Variants in NRG1 observed in about 807,000 individuals in gnomAD.
The protein encoded by NRG1 is pro-neuregulin-1, membrane-bound isoform.
NRG1 carries 18 observed loss-of-function variants against 63.8 expected under a neutral mutation model. The observed-to-expected ratio is 0.28, with a 90% CI of 0.19 to 0.42. The LOEUF is 0.42. NRG1 is among the 10% of genes least tolerant of loss of function. The pLI, the probability that NRG1 is intolerant of heterozygous loss-of-function variation, is 1.00. For missense variants in NRG1, 762 were observed against 814.7 expected (o/e 0.94, Z 0.79); for synonymous variants, 302 against 301.3 (o/e 1.00, Z -0.02).
chr8:31,959,461 C>G (rs1248891110), intron 1 of NRG1, among the ~76,000 whole-genome samples: 2 of 152,126 alleles, frequency 1.3e-5, no homozygotes, highest in Non-Finnish European at 2.9e-5. Context: ...TGTGGTTCAG[C>G]ATCACCAGGC....
chr8:32,142,096 G>A (rs141043958), intron 1 of NRG1, among the ~76,000 whole-genome samples: 256 of 152,160 alleles, frequency 1.7e-3, no homozygotes, highest in African/African-American at 5.9e-3. Flanking sequence ...ATGTAAAGAC[G>A]CTTATAGCTT....
chr8:32,650,594 A>G (rs1293673233), intron 5 of NRG1, among the ~76,000 whole-genome samples: 3 of 143,996 alleles, frequency 2.1e-5, no homozygotes, highest in Non-Finnish European at 4.5e-5. Flanking sequence ...GTTTTTAGAG[A>G]CTTGTAAGTG....
chr8:32,138,210 TG>T (rs1835795043), intron 1 of NRG1, among the ~76,000 whole-genome samples: 1 of 151,722 alleles, frequency 6.6e-6, no homozygotes, highest in Admixed American at 6.6e-5. Context: ...CAATAGTGAG[TG>T]GATTTAAACA....
chr8:32,404,527 C>T (rs891795856), intron 1 of NRG1, among the ~76,000 whole-genome samples: 2 of 151,470 alleles, frequency 1.3e-5, no homozygotes, highest in African/African-American at 2.4e-5. Context: ...CCATCAGAAC[C>T]TTTTTCATGC....
At chr8:32,323,541 A>G (rs930741358) in intron 1 of NRG1, among the ~76,000 whole-genome samples, 8 of 152,234 alleles carry the variant, frequency 5.3e-5, no homozygotes, top group African/African-American at 1.9e-4. Context: ...TTGGAACAGA[A>G]GCCAGCAATG....
At chr8:31,791,205 C>CAAAA (rs35966484) in intron 1 of NRG1, among the ~76,000 whole-genome samples, 3 of 98,704 alleles carry the variant, frequency 3.0e-5, no homozygotes, top group African/African-American at 7.4e-5. Flanking sequence ...GAAACTGTGC[C>CAAAA]AAAAAAAAAA....
intron 1 of NRG1, among the ~76,000 whole-genome samples, chr8:31,727,587 G>A (rs1460982459): frequency 4.6e-5 from 7 of 152,122 alleles, no homozygotes; most frequent in Non-Finnish European, 1.0e-4. Context: ...GGTAGATACT[G>A]ATACCCTGTC....
chr8:32,593,165 T>C (rs576665622), intron 1 of NRG1, among the ~76,000 whole-genome samples: 1 of 152,206 alleles, frequency 6.6e-6, no homozygotes, highest in East Asian at 1.9e-4. Context: ...AGAAAATTCA[T>C]GTATAAGGCA....
intron 1 of NRG1, among the ~76,000 whole-genome samples, chr8:32,092,842 A>G (rs1171484979): frequency 1.3e-5 from 2 of 152,144 alleles, no homozygotes; most frequent in African/African-American, 4.8e-5. Flanking sequence ...GATTCACTAG[A>G]TGCAGGGAGT....
intron 1 of NRG1, among the ~76,000 whole-genome samples, chr8:31,655,592 A>T (rs1805355216): frequency 2.0e-5 from 3 of 152,226 alleles, no homozygotes; most frequent in African/African-American, 7.2e-5. Context: ...GACTTCCAGG[A>T]TTCCAGATTT....
intron 1 of NRG1, among the ~76,000 whole-genome samples, chr8:32,025,973 T>A (rs1817243709): frequency 1.3e-5 from 2 of 150,774 alleles, no homozygotes; most frequent in African/African-American, 4.9e-5. Flanking sequence ...AGTGAAGATA[T>A]TGCCACAGGT....
chr8:32,680,995 T>C (rs866508736), intron 5 of NRG1, among the ~76,000 whole-genome samples: 2 of 152,180 alleles, frequency 1.3e-5, no homozygotes, highest in African/African-American at 4.8e-5. Context: ...TAATAAATTA[T>C]GAAGCCAAAG....
At chr8:31,754,013 T>A (rs532634555) in intron 1 of NRG1, among the ~76,000 whole-genome samples, 1 of 152,132 alleles carries the variant, frequency 6.6e-6, no homozygotes. Flanking sequence ...TGTTAAAGTA[T>A]GTTGTTCACA....
chr8:32,685,270 C>A (rs1024043584), intron 5 of NRG1, among the ~76,000 whole-genome samples: 1 of 152,108 alleles, frequency 6.6e-6, no homozygotes, highest in East Asian at 1.9e-4. Flanking sequence ...TCAGCTCTGC[C>A]ACCATCACTG....
intron 1 of NRG1, among the ~76,000 whole-genome samples, chr8:32,223,705 C>G (rs747095780): frequency 6.6e-6 from 1 of 152,180 alleles, no homozygotes; most frequent in Non-Finnish European, 1.5e-5. Context: ...ACATGATGCC[C>G]TCTAGTGACT....
intron 1 of NRG1, among the ~76,000 whole-genome samples, chr8:31,808,514 A>G (rs980461691): frequency 5.9e-5 from 9 of 151,582 alleles, no homozygotes; most frequent in South Asian, 2.1e-4. Context: ...TCTTTTCTCC[A>G]TTTCTTCTGC....
rs1801535160 is a variant in NRG1, at chr8:32,322,547, T to C, written c.38-273281T>C. On this transcript the variant is annotated intron_variant, in intron 1 of 10. Coordinates refer to the NRG1 transcript ENST00000519301. ...CCTATATATTGGTTCTAGGACTTATTCCTGGAGTTATATCCTGCACATTGG... is the reference window on the plus strand; with the variant it reads ...CCTATATATTGGTTCTAGGACTTATCCCTGGAGTTATATCCTGCACATTGG... 2.6e-5 allele frequency among the ~76,000 whole-genome samples: 4 copies of C among 152,094 alleles called. No homozygotes were observed. In the South Asian group the frequency reaches 8.3e-4, roughly 31 times the overall value.
intron 1 of NRG1, among the ~76,000 whole-genome samples, chr8:32,403,943 C>A (rs1316755461): frequency 6.6e-6 from 1 of 152,160 alleles, no homozygotes; most frequent in East Asian, 1.9e-4. Context: ...GATTCTGTTG[C>A]CACCTTCCCA....
At chr8:32,399,464 C>T (rs55735861) in intron 1 of NRG1, among the ~76,000 whole-genome samples, 3,033 of 152,174 alleles carry the variant, frequency 0.02, 94 homozygotes, top group African/African-American at 0.064. Flanking sequence ...GAGGCCAAGG[C>T]GGGGCAGAGG....
Sources: allele counts gnomAD v4.1 joint callset (sites outside exome capture counted in the v4.1 genomes callset), GRCh38; gene constraint gnomAD v4.1.1; transcripts MANE v1.5; gene names NCBI Gene and HGNC (gene_info 2026-07-23, HGNC 2026-07-21).